The following NELL2 variants were observed in gnomAD, a reference collection of about 807,000 sequenced individuals.
NELL2 encodes protein kinase C-binding protein NELL2.
NELL2 carries 41 observed loss-of-function variants against 109.6 expected under a neutral mutation model. The observed-to-expected ratio is 0.37, with a 90% CI of 0.29 to 0.49. NELL2 has a LOEUF of 0.49. Ranked by LOEUF, NELL2 falls within the 20% of genes least tolerant of loss-of-function variation. The pLI is 0.98. For synonymous variants in NELL2, 355 were observed against 344.7 expected (o/e 1.03, Z -0.33); for missense variants, 900 against 1,008.3 (o/e 0.89, Z 1.45).
chr12:44,846,428 C>G (rs867119412), intron 2 of NELL2, among the ~76,000 whole-genome samples: 3 of 152,138 alleles, frequency 2.0e-5, no homozygotes, highest in African/African-American at 7.2e-5. Context: ...CATGTCAAAC[C>G]CTGCTAAGAG....
intron 15 of NELL2, among the ~76,000 whole-genome samples, chr12:44,575,470 A>G (rs528613267): frequency 5.6e-4 from 85 of 152,354 alleles, no homozygotes; most frequent in South Asian, 2.1e-3. Context: ...TCTACCTAGC[A>G]TCAGAGAGAT....
At chr12:44,639,804 C>G (rs1946784035) in intron 13 of NELL2, among the ~76,000 whole-genome samples, 1 of 151,308 alleles carries the variant, frequency 6.6e-6, no homozygotes, top group Non-Finnish European at 1.5e-5. Context: ...ACTTAAAACA[C>G]TTCAATGGCT....
At position 44,703,713 on chromosome 12, in the gene NELL2, T is replaced by C; in HGVS notation, c.1318+13A>G. ...ATTTATACAGCTGAGCTACACATCA[T>C]TACAAGGATTACCTTCACAGTAGGC... On this transcript the variant is annotated intron_variant, in intron 12 of 19. Transcript: ENST00000429094. The C allele has an allele frequency of 6.2e-7, 1 of 1,613,002 alleles. No individual in the cohort carries two copies. The highest frequency in any genetic ancestry group is 8.5e-7 in the Non-Finnish European group (1 of 1,179,346).
chr12:44,585,111 T>C (rs1463851684), intron 15 of NELL2, among the ~76,000 whole-genome samples: 2 of 152,224 alleles, frequency 1.3e-5, no homozygotes, highest in South Asian at 2.1e-4. Context: ...AGACAGTTTG[T>C]GGGAATATAA....
chr12:44,904,442 T>C (rs910112505), intron 1 of NELL2, among the ~76,000 whole-genome samples: 1 of 152,198 alleles, frequency 6.6e-6, no homozygotes, highest in African/African-American at 2.4e-5. Context: ...CCATATTCTG[T>C]CTCTCTTTTC....
chr12:44,578,585 C>G (rs1944199408), intron 15 of NELL2, among the ~76,000 whole-genome samples: 1 of 151,114 alleles, frequency 6.6e-6, no homozygotes, highest in South Asian at 2.1e-4. Flanking sequence ...TAATTAAAAT[C>G]TATACTTTGC....
chr12:44,613,939 C>T (rs1456440040), intron 13 of NELL2, among the ~76,000 whole-genome samples: 2 of 151,858 alleles, frequency 1.3e-5, no homozygotes. Flanking sequence ...TCCAATACTT[C>T]CAATATATAG....
intron 12 of NELL2, among the ~76,000 whole-genome samples, chr12:44,673,194 A>C (rs2136354225): frequency 6.6e-6 from 1 of 152,320 alleles, no homozygotes; most frequent in African/African-American, 2.4e-5. Context: ...TTATGTACTG[A>C]AATTGCAAAG....
rs533466172 is a variant in NELL2 at position 44,875,618 on chromosome 12, G to A, written c.55+197C>T. 1.2e-5 allele frequency: 20 copies of A among 1,611,754 alleles called. 1 individual carries two copies. Among genetic ancestry groups the A allele is most frequent in the Middle Eastern group, 1.8e-4 (1 of 5,668 alleles). On this transcript the variant is annotated intron_variant, in intron 1 of 19. Transcript: ENST00000429094. ...CCCTCAGCCCTCCGACCCTGGACTA[G>A]GGGCGTGATCCGCCTCGCGGTCTCC...
intron 3 of NELL2, among the ~76,000 whole-genome samples, chr12:44,782,969 C>G (rs1026171392): frequency 6.6e-6 from 1 of 151,886 alleles, no homozygotes; most frequent in Admixed American, 6.6e-5. Context: ...GGGATATATA[C>G]CAAGGCAGAC....
At chr12:44,822,536 A>T (rs567276989) in intron 2 of NELL2, among the ~76,000 whole-genome samples, 1 of 152,230 alleles carries the variant, frequency 6.6e-6, no homozygotes, top group South Asian at 2.1e-4. Context: ...TGAAGCAGGG[A>T]CAAAGATCAT....
At chr12:44,706,781 A>G (rs943224715) in intron 11 of NELL2, among the ~76,000 whole-genome samples, 2 of 152,218 alleles carry the variant, frequency 1.3e-5, no homozygotes, top group African/African-American at 4.8e-5. Context: ...CCAATTATCT[A>G]ATACAACCTA....
Position 44,629,719 on chromosome 12 carries a change from T to A in NELL2, c.1445-18749A>T, listed in dbSNP as rs79883291. ...GAAACAAAATGCAGAATGGAAATAT[T>A]TATTAACAAATCATTTTCCCCAGAC... is the stretch of plus-strand genomic sequence containing the variant. On this transcript the variant is annotated intron_variant, in intron 13 of 19. Transcript: ENST00000429094. Among the ~76,000 whole-genome samples the A allele has an allele frequency of 1.3e-3, 194 of 152,312 alleles. 1 individual carries two copies. The East Asian group carries it at 0.025, about 20-fold the overall frequency.
intron 9 of NELL2, among the ~76,000 whole-genome samples, chr12:44,726,115 CAATA>C (rs1939067922): frequency 6.6e-6 from 1 of 151,746 alleles, no homozygotes; most frequent in Non-Finnish European, 1.5e-5. Context: ...GAGAGTCCTT[CAATA>C]AATAATTTAA....
At chr12:44,800,125 T>C (rs1291011305) in intron 3 of NELL2, among the ~76,000 whole-genome samples, 2 of 152,174 alleles carry the variant, frequency 1.3e-5, no homozygotes, top group Admixed American at 1.3e-4. Context: ...ACTTAGTCAT[T>C]TGGCATATAA....
At chr12:44,767,507 C>G (rs1158213795) in intron 9 of NELL2, among the ~76,000 whole-genome samples, 2 of 150,804 alleles carry the variant, frequency 1.3e-5, no homozygotes, top group East Asian at 3.9e-4. Flanking sequence ...TTTGACCCAG[C>G]AACTCCACCC....
intron 1 of NELL2, among the ~76,000 whole-genome samples, chr12:44,919,447 C>T (rs2136899330): frequency 6.6e-6 from 1 of 152,130 alleles, no homozygotes; most frequent in African/African-American, 2.4e-5. Flanking sequence ...TGTTAAAGTC[C>T]TAACCCCCAG....
rs117994175 is a variant in NELL2 at position 44,582,887 on chromosome 12, G to A, written c.1663+24282C>T. On this transcript the variant is annotated intron_variant, in intron 15 of 19. Coordinates refer to ENST00000429094, the MANE Select transcript of NELL2 (RefSeq NM_001145108.2). The stretch of plus-strand genomic sequence containing the variant: ...ATGAATGAATTGATGTCATTTTCTC[G>A]GAGTAGGTGTGTTATCCTGAGGGTG... Among the ~76,000 whole-genome samples, 311 of 152,172 alleles carry A rather than the reference G, an allele frequency of 2.0e-3. 1 individual carries two copies. The highest frequency in any genetic ancestry group is 0.01 in the Middle Eastern group (3 of 294).
intron 8 of NELL2, among the ~76,000 whole-genome samples, chr12:44,775,484 A>T (rs552532553): frequency 1.2e-3 from 185 of 152,374 alleles, no homozygotes; most frequent in Non-Finnish European, 2.1e-3. Context: ...TATTTCTGAA[A>T]TCATAATGCA....
Sources: allele counts gnomAD v4.1 joint callset (sites outside exome capture counted in the v4.1 genomes callset), GRCh38; gene constraint gnomAD v4.1.1; transcripts MANE v1.5; gene names NCBI Gene and HGNC (gene_info 2026-07-23, HGNC 2026-07-21).